Variants in LRRC27 observed in about 807,000 individuals in gnomAD.
LRRC27 encodes the protein leucine-rich repeat-containing protein 27.
Under a neutral mutation model 55.0 loss-of-function variants are expected in LRRC27, and 57 were observed. The ratio of observed to expected loss-of-function variants is 1.04; its 90% CI spans 0.84 to 1.29. The LOEUF (loss-of-function observed/expected upper bound fraction) is 1.29. Among genes scored for constraint, LRRC27 ranks in the 50% most tolerant of loss-of-function variants. The pLI, the probability that LRRC27 is intolerant of heterozygous loss-of-function variation, is 0.00. For missense variants in LRRC27, 721 were observed against 651.5 expected (o/e 1.11, Z -1.16); for synonymous variants, 278 against 251.9 (o/e 1.10, Z -0.98).
At chr10:132,331,174 C>G (rs531967969), upstream of LRRC27, among the ~76,000 whole-genome samples, 12 of 130,090 alleles carry the variant, frequency 9.2e-5, no homozygotes, top group Admixed American at 3.6e-4. Context: ...GCACTCCAGC[C>G]TGGGAGACAA....
Position 132,333,491 on chromosome 10 carries a change from A to C in LRRC27, c.-34A>C, listed in dbSNP as rs1484004404. On this transcript the variant is annotated 5_prime_UTR_variant, in exon 2 of 11. Coordinates refer to ENST00000368614, the MANE Select transcript of LRRC27 (RefSeq NM_030626.3). ...CGTGTCTCCAGGTGACTCCAGACCA[A>C]GGAGGATGAGCTGCTGTCCCTGGAA... 2 of 1,534,684 alleles carry C rather than the reference A, an allele frequency of 1.3e-6. No individual in the cohort carries two copies. The highest frequency in any genetic ancestry group is 1.8e-6 in the Non-Finnish European group (2 of 1,135,276).
At position 132,364,697 on chromosome 10, in the gene LRRC27, G is replaced by C. The variant is rs562093402; in HGVS notation, c.1290-727G>C. Among the ~76,000 whole-genome samples, 60 of 7,508 alleles carry C rather than the reference G, an allele frequency of 8.0e-3. 4 individuals carry two copies. The highest frequency in any genetic ancestry group is 0.02 in the Admixed American group (7 of 354). 4.9% of individuals were successfully genotyped at this position (7,508 alleles called of 152,430 possible). Reference sequence around the variant, plus strand: ...CCACGCTTACACCCACGTCCACACCGTGGGGCCCCACACTCATGCAGTCCG... The same window carrying C: ...CCACGCTTACACCCACGTCCACACCCTGGGGCCCCACACTCATGCAGTCCG... On this transcript the variant is annotated intron_variant, in intron 9 of 10. Coordinates refer to ENST00000368614, the MANE Select transcript of LRRC27 (RefSeq NM_030626.3).
At chr10:132,370,380 A>G (rs987347776) in intron 10 of LRRC27, among the ~76,000 whole-genome samples, 4 of 152,164 alleles carry the variant, frequency 2.6e-5, no homozygotes, top group African/African-American at 7.2e-5. Flanking sequence ...ACTTCCCATG[A>G]CAGGCTCCCT....
intron 8 of LRRC27, among the ~76,000 whole-genome samples, chr10:132,360,576 C>T (rs1008539336): frequency 9.9e-5 from 15 of 152,088 alleles, no homozygotes; most frequent in Admixed American, 9.8e-4. Context: ...CCTGGTCCTC[C>T]CTGCCTCCCA....
In LRRC27 at chr10:132,351,691, G is replaced by A. The variant is rs1457808313; in HGVS notation, c.1011G>A (p.Glu337=). The part of the protein sequence containing the change: ...QMAIRAKRLE[E]SRAAALRELQ... The stretch of plus-strand genomic sequence containing the variant: ...CGATCCGAGCAAAAAGACTGGAAGA[G>A]AGCCGAGCGGCGGCGCTCCGAGAGC... Residue 337 remains glutamate (E), a synonymous_variant, in exon 7 of 11, where the codon GAG becomes GAA. Coordinates refer to ENST00000368614, the MANE Select transcript of LRRC27 (RefSeq NM_030626.3). The A allele has an allele frequency of 6.2e-7, 1 of 1,613,906 alleles. No individual in the cohort carries two copies. The highest frequency in any genetic ancestry group is 1.3e-5 in the African/African-American group (1 of 74,946).
In LRRC27 at chr10:132,363,202, C is replaced by T. The variant is rs1399918032; in HGVS notation, c.1289+1627C>T. On this transcript the variant is annotated intron_variant, in intron 9 of 10. Coordinates refer to ENST00000368614, the MANE Select transcript of LRRC27 (RefSeq NM_030626.3). ...CTCACCTCACAGCTGCTCGGGGGTC[C>T]GGGGTTCACCCCTCTTACCTCACAG... 9.3e-5 allele frequency among the ~76,000 whole-genome samples: 12 copies of T among 129,430 alleles called. 2 individuals are homozygous for T. Among genetic ancestry groups the T allele is most frequent in the East Asian group, 8.6e-4 (4 of 4,638 alleles). 84.9% of individuals were successfully genotyped at this position (129,430 alleles called of 152,430 possible).
intron 7 of LRRC27, chr10:132,353,450 C>T (rs2068163608): frequency 2.0e-6 from 2 of 988,274 alleles, no homozygotes; most frequent in South Asian, 8.8e-5. Flanking sequence ...GGGCTGTGTC[C>T]AGCACACAGA....
intron 10 of LRRC27, among the ~76,000 whole-genome samples, chr10:132,371,996 C>T (rs757453455): frequency 2.0e-5 from 3 of 152,272 alleles, no homozygotes; most frequent in Admixed American, 1.3e-4. Context: ...AGGAAGCCCC[C>T]TAGTGGTGCA....
chr10:132,339,654 G>A (rs898646760), intron 3 of LRRC27, among the ~76,000 whole-genome samples: 1 of 152,222 alleles, frequency 6.6e-6, no homozygotes, highest in Non-Finnish European at 1.5e-5. Flanking sequence ...CTGAGGCTGA[G>A]AGTGCTTTGG....
chr10:132,352,230 G>A (rs1300870563), intron 7 of LRRC27, among the ~76,000 whole-genome samples: 13 of 109,542 alleles, frequency 1.2e-4, no homozygotes, highest in African/African-American at 4.3e-4. Flanking sequence ...CAGGTGCAGC[G>A]CTCGTGGTCT....
chr10:132,349,694 T>A (rs1460994335), intron 6 of LRRC27, among the ~76,000 whole-genome samples: 1 of 152,236 alleles, frequency 6.6e-6, no homozygotes, highest in Non-Finnish European at 1.5e-5. Flanking sequence ...CAGATTTGGA[T>A]ACTAGACCCT....
intron 5 of LRRC27, among the ~76,000 whole-genome samples, chr10:132,346,479 A>G (rs1315345029): frequency 1.3e-5 from 2 of 152,264 alleles, no homozygotes; most frequent in East Asian, 1.9e-4. Flanking sequence ...GATTGAGACC[A>G]TCCTGGCTAA....
Position 132,337,586 on chromosome 10 carries a change from G to T in LRRC27, c.232G>T (p.Ala78Ser). 1 of 1,614,138 alleles carries T rather than the reference G, an allele frequency of 6.2e-7. No homozygotes were observed. The highest frequency in any genetic ancestry group is 8.5e-7 in the Non-Finnish European group (1 of 1,180,006). ...GAAGCAATTGCATCTGCAAAGGAAT[G>T]CCCTGTGTGTGATTCCTCAAGATTT... The part of the protein sequence containing the change: ...SLQQLHLQRN[A>S]LCVIPQDFFQ... Residue 78 changes from alanine to serine, a missense_variant, in exon 3 of 11, where the codon GCC becomes TCC. Coordinates refer to ENST00000368614, the MANE Select transcript of LRRC27 (RefSeq NM_030626.3).
Position 132,348,836 on chromosome 10 carries a change from G to C in LRRC27, c.926+480G>C. On this transcript the variant is annotated intron_variant, in intron 6 of 10. Coordinates refer to ENST00000368614, the MANE Select transcript of LRRC27 (RefSeq NM_030626.3). The surrounding 1 kb of genome is among the most constrained non-coding windows in gnomAD (Gnocchi z 4.2). Reference sequence around the variant, plus strand: ...AGTTGGGGGAAAGGTCAGTTATGCAGAAAATAAATGGCAGCTGCCTGGGGA... The same window carrying C: ...AGTTGGGGGAAAGGTCAGTTATGCACAAAATAAATGGCAGCTGCCTGGGGA... 1.5e-6 allele frequency: 1 copy of C among 661,664 alleles called. No homozygotes were observed. The highest frequency in any genetic ancestry group is 2.7e-6 in the Non-Finnish European group (1 of 377,032). 41.0% of individuals were successfully genotyped at this position (661,664 alleles called of 1,614,324 possible).
intron 9 of LRRC27, among the ~76,000 whole-genome samples, chr10:132,364,363 GC>G (rs2068814610): frequency 1.0e-3 from 1 of 960 alleles, no homozygotes; most frequent in African/African-American, 2.2e-3. Context: ...CTCCACACCC[GC>G]GCTTACACCC....
chr10:132,354,932 C>T (rs2068237473), intron 7 of LRRC27, among the ~76,000 whole-genome samples: 1 of 152,216 alleles, frequency 6.6e-6, no homozygotes, highest in South Asian at 2.1e-4. Context: ...GACCTCATTC[C>T]ACCCCAGCCA....
At chr10:132,346,168 G>A (rs888132035) in intron 5 of LRRC27, among the ~76,000 whole-genome samples, 10 of 152,270 alleles carry the variant, frequency 6.6e-5, no homozygotes, top group Admixed American at 5.2e-4. Flanking sequence ...CAGCAGCCTC[G>A]GGGGCCAGGC....
At chr10:132,331,069 CGCG>C (rs2066692293), upstream of LRRC27, among the ~76,000 whole-genome samples, 1 of 151,030 alleles carries the variant, frequency 6.6e-6, no homozygotes, top group Admixed American at 6.6e-5. Flanking sequence ...GACGTGGTGG[CGCG>C]CGCCTGTAGT....
In LRRC27 at chr10:132,375,243, C is replaced by T. The variant is rs1288695016; in HGVS notation, c.*1C>T. ...AGGAAATGTTCGCAGATACCAGTGA[C>T]ACCAGGTGGCTGGACTGATGGAGAC... On this transcript the variant is annotated 3_prime_UTR_variant, in exon 11 of 11. Transcript: ENST00000368614. The T allele has an allele frequency of 1.2e-6, 2 of 1,610,728 alleles. No homozygotes were observed. Among genetic ancestry groups the T allele is most frequent in the South Asian group, 1.1e-5 (1 of 90,846 alleles).
Sources: allele counts gnomAD v4.1 joint callset (sites outside exome capture counted in the v4.1 genomes callset), GRCh38; gene constraint gnomAD v4.1.1; non-coding constraint Gnocchi (gnomAD v3.1); transcripts MANE v1.5; gene names NCBI Gene and HGNC (gene_info 2026-07-23, HGNC 2026-07-21).